Variants in PIH1D2 observed in about 807,000 individuals in gnomAD.
PIH1D2 encodes PIH1 domain-containing protein 2.
Under a neutral mutation model 31.2 loss-of-function variants are expected in PIH1D2, and 25 were observed. The ratio of observed to expected loss-of-function variants is 0.80; its 90% CI spans 0.58 to 1.12. The LOEUF (loss-of-function observed/expected upper bound fraction) is 1.12. Ranked by LOEUF, PIH1D2 falls within the 50% of genes most tolerant of loss-of-function variation. The probability of loss-of-function intolerance (pLI) is 0.00; values close to 1 mark genes in which losing one functional copy is unlikely to be tolerated. For synonymous variants in PIH1D2, 116 were observed against 119.9 expected (o/e 0.97, Z 0.21); for missense variants, 310 against 356.6 (o/e 0.87, Z 1.05).
downstream of PIH1D2, chr11:112,062,493 G>A: frequency 6.2e-7 from 1 of 1,612,632 alleles, no homozygotes; most frequent in Non-Finnish European, 8.5e-7. Context: ...GGCTTGCTGA[G>A]TTTAGAAAGT....
chr11:112,068,018 A>C lies in PIH1D2; in HGVS notation c.814-13T>G. On this transcript the variant is annotated splice_polypyrimidine_tract_variant and intron_variant, in intron 5 of 5. Transcript: ENST00000280350. ...TCAATAAATCATCCTAAGAATAATA[A>C]ACCAAGAGATTTATTTCCTGCTTAA... is the stretch of plus-strand genomic sequence containing the variant. 1.3e-6 allele frequency: 2 copies of C among 1,514,410 alleles called. No homozygotes were observed. The highest frequency in any genetic ancestry group is 9.1e-7 in the Non-Finnish European group (1 of 1,103,214). The allele number at this position is 1,514,410 out of a possible 1,614,324, so 93.8% of individuals were successfully genotyped here. A position where few individuals can be genotyped will look rare whatever the true frequency, so the allele number is the denominator to read the frequency against.
chr11:112,071,821 G>C, intron 2 of PIH1D2, 63 bp from the exon 3 acceptor site: 3 of 1,563,150 alleles, frequency 1.9e-6, no homozygotes, highest in Non-Finnish European at 2.6e-6. Flanking sequence ...GGCCAGGCAT[G>C]GTGGCTCCCG....
chr11:112,066,801 G>A (rs113948379), downstream of PIH1D2, among the ~76,000 whole-genome samples: 3,792 of 152,106 alleles, frequency 0.025, 164 homozygotes, highest in African/African-American at 0.087. Context: ...CATGGCTCAC[G>A]TCTGTAATCC....
downstream of PIH1D2, among the ~76,000 whole-genome samples, chr11:112,064,849 T>TC: frequency 6.6e-6 from 1 of 150,978 alleles, no homozygotes; most frequent in East Asian, 1.9e-4. Context: ...CAAATTTTTT[T>TC]TTTTTTTTTT....
chr11:112,056,884 C>T, the PIH1D2 span, among the ~76,000 whole-genome samples: 2 of 152,156 alleles, frequency 1.3e-5, no homozygotes, highest in East Asian at 3.8e-4. Flanking sequence ...GAGAGTATCT[C>T]GCTTTATTGC....
At chr11:112,058,246 A>C (rs1295859459), downstream of PIH1D2, among the ~76,000 whole-genome samples, 2 of 152,232 alleles carry the variant, frequency 1.3e-5, no homozygotes, top group Non-Finnish European at 2.9e-5. Context: ...AGATGATTGA[A>C]CAAGCAATAT....
At position 112,073,224 on chromosome 11, in the gene PIH1D2, T is replaced by G. The variant is rs781952966; in HGVS notation, c.-31-19A>C. Reference sequence around the variant, plus strand: ...CTTAAGCCTGTGGAAAAACACGACTTCAGGAAGAAAACTGTCTGTGTAATT... The same window carrying G: ...CTTAAGCCTGTGGAAAAACACGACTGCAGGAAGAAAACTGTCTGTGTAATT... On this transcript the variant is annotated intron_variant, in intron 1 of 5. Coordinates refer to ENST00000280350, the MANE Select transcript of PIH1D2 (RefSeq NM_138789.4). The G allele has an allele frequency of 6.8e-7, 1 of 1,461,356 alleles. No individual in the cohort carries two copies. Among genetic ancestry groups the G allele is most frequent in the East Asian group, 2.3e-5 (1 of 43,328 alleles). The allele number at this position is 1,461,356 out of a possible 1,614,324, so 90.5% of individuals were successfully genotyped here. A position where few individuals can be genotyped will look rare whatever the true frequency, so the allele number is the denominator to read the frequency against.
Position 112,071,191 on chromosome 11 carries a change from C to T in PIH1D2, c.394G>A (p.Ala132Thr). 8 of 1,613,750 alleles carry T rather than the reference C, an allele frequency of 5.0e-6. No homozygotes were observed. Among genetic ancestry groups the T allele is most frequent in the Non-Finnish European group, 5.9e-6 (7 of 1,179,856 alleles). Residue 132 changes from alanine to threonine, a missense_variant, in exon 4 of 6, where the codon GCC becomes ACC. Physicochemically the swap from Ala to Thr is moderately conservative, Grantham distance 58 (BLOSUM62 0). Transcript: ENST00000280350. ...QVKKNQLIQM[A>T]MKCIEEKFQF... ...AATTTCTCCTCAATGCATTTCATGG[C>T]CATCTGAATTAACTGATTTTTTTTC...
At chr11:112,065,751 C>A (rs1023700588), downstream of PIH1D2, among the ~76,000 whole-genome samples, 2 of 152,134 alleles carry the variant, frequency 1.3e-5, no homozygotes, top group Non-Finnish European at 1.5e-5. Flanking sequence ...GAGGCCGAGG[C>A]GGGCAGATCA....
intron 5 of PIH1D2, among the ~76,000 whole-genome samples, chr11:112,068,973 ATTTTTTTTGTTTTTTT>A (rs540253820): frequency 0.028 from 3,736 of 134,368 alleles, 131 homozygotes; most frequent in African/African-American, 0.095. Flanking sequence ...AAACCTCTGA[ATTTTTTTTGTTTTTTT>A]TTTTTTTTGT....
chr11:112,060,193 T>TCA, downstream of PIH1D2: 1 of 806,932 alleles, frequency 1.2e-6, no homozygotes, highest in Non-Finnish European at 1.9e-6. Context: ...AGACGGAGTC[T>TCA]CTCTGTCACC....
At chr11:112,073,457 CATTT>C (rs1442583705) in intron 1 of PIH1D2, among the ~76,000 whole-genome samples, 1 of 152,130 alleles carries the variant, frequency 6.6e-6, no homozygotes, top group African/African-American at 2.4e-5. Context: ...TCAGAGTAAT[CATTT>C]TAAGTCTGGG....
At chr11:112,060,034 G>A, downstream of PIH1D2, 1 of 1,613,978 alleles carries the variant, frequency 6.2e-7, no homozygotes, top group Non-Finnish European at 8.5e-7. Flanking sequence ...ACCAAAGCAA[G>A]AGAGGGTAAA....
rs782272602 is a variant in PIH1D2, at chr11:112,071,645, A to G, written c.291T>C (p.Thr97=). 1.2e-6 allele frequency: 2 copies of G among 1,613,622 alleles called. No homozygotes were observed. The highest frequency in any genetic ancestry group is 8.5e-7 in the Non-Finnish European group (1 of 1,179,528). ...PLTVGKPEDT[T]EISDAYTVID... ...CTCAATTATTTGTACCTGATATCTC[A>G]GTTGTATCTTCTGGTTTGCCAACAG... The change falls in exon 3 of 6, where the codon ACT becomes ACC. Residue 97 remains threonine, a synonymous_variant. Transcript: ENST00000280350.
chr11:112,060,715 C>A (rs587617908), downstream of PIH1D2, among the ~76,000 whole-genome samples: 1 of 152,296 alleles, frequency 6.6e-6, no homozygotes, highest in Admixed American at 6.5e-5. Flanking sequence ...ATCCACCCGC[C>A]TCACCCTCTC....
chr11:112,072,703 A>C (rs886499756), intron 2 of PIH1D2: 1 of 191,542 alleles, frequency 5.2e-6, no homozygotes, highest in African/African-American at 2.3e-5. Context: ...GCCTCTACTA[A>C]TAATACAAAA....
chr11:112,055,841 A>G, the PIH1D2 span, among the ~76,000 whole-genome samples: 1 of 107,568 alleles, frequency 9.3e-6, no homozygotes, highest in Non-Finnish European at 1.8e-5. Flanking sequence ...GTGCCAGCAT[A>G]TAGACACTTT....
chr11:112,070,950 AAAT>A (rs1566656603), intron 4 of PIH1D2, 85 bp downstream of exon 4: 1 of 1,419,722 alleles, frequency 7.0e-7, no homozygotes, highest in East Asian at 2.3e-5. Context: ...TCACCTTTTA[AAAT>A]AGAGATTTCT....
In PIH1D2 at chr11:112,072,864, A is replaced by AAAAAC. The variant is rs1209498913; in HGVS notation, c.177+129_177+133dup. The AAAAAC allele has an allele frequency of 2.3e-4, 230 of 989,330 alleles. 2 individuals carry two copies. Among genetic ancestry groups the AAAAAC allele is most frequent in the East Asian group, 8.1e-4 (29 of 35,706 alleles). The allele number at this position is 989,330 out of a possible 1,614,324, so 61.3% of individuals were successfully genotyped here. ...GGTGACAAAGTAAGACTCTGTCTCA[A>AAAAAC]AAAACAAAACAAAACAAAACAAAAC... On this transcript the variant is annotated intron_variant, in intron 2 of 5. Transcript: ENST00000280350.
Sources: gnomAD v4.1 joint callset for allele counts (sites outside exome capture counted in the v4.1 genomes callset) on GRCh38, gnomAD v4.1.1 for gene constraint, MANE v1.5 for transcripts, NCBI Gene and HGNC (gene_info 2026-07-23, HGNC 2026-07-21) for gene names.